Variants in GGH observed in about 807,000 individuals in gnomAD.
The protein encoded by GGH is gamma-glutamyl hydrolase.
GGH carries 18 observed loss-of-function variants against 39.2 expected under a neutral mutation model. The observed-to-expected ratio is 0.46, with a 90% confidence interval of 0.32 to 0.68. The LOEUF is 0.68. GGH is among the 30% of genes least tolerant of loss of function. The pLI, the probability that GGH is intolerant of heterozygous loss-of-function variation, is 0.04. For synonymous variants in GGH, 147 were observed against 138.8 expected, an observed-to-expected ratio of 1.06 and a Z score of -0.42; for missense variants, 367 against 384.1, an observed-to-expected ratio of 0.96 and a Z score of 0.37.
chr8:63,026,606 T>C (rs1178988538), intron 4 of GGH, among the ~76,000 whole-genome samples: 3 of 152,088 alleles, frequency 2.0e-5, no homozygotes, highest in African/African-American at 7.2e-5. Flanking sequence ...TTTAGGGAAA[T>C]GTGTAAGGGG....
intron 7 of GGH, 140 bp from the exon 8 acceptor site, chr8:63,017,770 C>A (rs1389870334): frequency 1.3e-5 from 7 of 544,640 alleles, no homozygotes; most frequent in Admixed American, 3.5e-5. Flanking sequence ...CTCTCAGACA[C>A]AAAATAATTT....
intron 3 of GGH, chr8:63,028,363 A>ACATTAAC (rs1804735987): frequency 6.6e-6 from 1 of 152,046 alleles, no homozygotes; most frequent in Non-Finnish European, 1.5e-5. Flanking sequence ...CAGCTTACAG[A>ACATTAAC]CATTAACTTA....
chr8:63,017,444 T>A, intron 8 of GGH, 49 bp downstream of exon 8: 1 of 1,393,236 alleles, frequency 7.2e-7, no homozygotes, highest in Admixed American at 2.0e-5. Context: ...TAAGGGCAAT[T>A]TTCTTCAAAA....
In GGH at chr8:63,020,554, G is replaced by A. The variant is rs540052200; in HGVS notation, c.698-2924C>T. Among the ~76,000 whole-genome samples the A allele has an allele frequency of 1.2e-3, 185 of 152,302 alleles. 1 individual carries two copies. Among genetic ancestry groups the A allele is most frequent in the African/African-American group, 4.4e-3 (181 of 41,562 alleles). ...AAGGTTGTGGAGAAGAGGAATAATG[G>A]TAGAAAAGGCCTCTAGGGATGACAA... On this transcript the variant is annotated intron_variant, in intron 7 of 8. Coordinates refer to ENST00000260118, the MANE Select transcript of GGH (RefSeq NM_003878.3).
In GGH at chr8:63,015,392, C is replaced by T; in HGVS notation, c.897G>A (p.Gln299=). Residue 299 remains glutamine (Q), a synonymous_variant, in exon 9 of 9, where the codon CAG becomes CAA. Transcript: ENST00000260118. ...ESEEEKALIY[Q]FSPIYTGNIS... is the part of the protein sequence containing the mutation. Reference sequence around the variant, plus strand: ...TATTTCCAGTATAAATTGGACTGAACTGATAAATCAATGCTTTCTCCTCTT... The same window carrying T: ...TATTTCCAGTATAAATTGGACTGAATTGATAAATCAATGCTTTCTCCTCTT... 1 of 1,425,800 alleles carries T rather than the reference C, an allele frequency of 7.0e-7. No homozygotes were observed. The highest frequency in any genetic ancestry group is 9.8e-7 in the Non-Finnish European group (1 of 1,019,934). 88.3% of individuals were successfully genotyped at this position (1,425,800 alleles called of 1,614,324 possible). A position where few individuals can be genotyped will look rare whatever the true frequency, so the allele number is the denominator to read the frequency against.
chr8:63,017,300 C>A, intron 8 of GGH, 193 bp downstream of exon 8: 1 of 475,186 alleles, frequency 2.1e-6, no homozygotes, highest in Non-Finnish European at 3.7e-6. Context: ...AAGTAACTGT[C>A]CTGGTTTTAT....
intron 2 of GGH, 44 bp from the exon 3 acceptor site, chr8:63,030,261 GT>G: frequency 2.1e-6 from 2 of 937,922 alleles, no homozygotes; most frequent in Non-Finnish European, 3.5e-6. Flanking sequence ...AAACTTAGAA[GT>G]AAACCTCTAA....
rs150420726 is a variant in GGH at position 63,017,284 on chromosome 8, T to C, written c.835+209A>G. 9.0e-4 allele frequency: 410 copies of C among 457,194 alleles called. 4 individuals carry two copies. In the East Asian group the frequency reaches 0.014, roughly 16 times the overall value. 28.3% of individuals were successfully genotyped at this position (457,194 alleles called of 1,614,324 possible). Reference sequence around the variant, plus strand: ...ATTCTGCCCACTGAAGCATGTATGATAATTGAAGTAACTGTCCTGGTTTTA... The same window carrying C: ...ATTCTGCCCACTGAAGCATGTATGACAATTGAAGTAACTGTCCTGGTTTTA... On this transcript the variant is annotated intron_variant, in intron 8 of 8. Transcript: ENST00000260118.
chr8:63,033,098 G>A (rs1804835506), intron 2 of GGH, among the ~76,000 whole-genome samples: 1 of 152,046 alleles, frequency 6.6e-6, no homozygotes, highest in South Asian at 2.1e-4. Context: ...TTATTTTTTA[G>A]AGTAATTTCA....
chr8:63,025,730 T>G (rs1804672053), intron 5 of GGH, among the ~76,000 whole-genome samples: 1 of 151,102 alleles, frequency 6.6e-6, no homozygotes, highest in Admixed American at 6.6e-5. Flanking sequence ...GACTCTGTCT[T>G]AAAAAGAAAA....
rs1804463565 is a variant in GGH at position 63,015,203 on chromosome 8, G to A, written c.*129C>T. 2 of 522,230 alleles carry A rather than the reference G, an allele frequency of 3.8e-6. No homozygotes were observed. Among genetic ancestry groups the A allele is most frequent in the Non-Finnish European group, 6.7e-6 (2 of 299,568 alleles). 32.3% of individuals were successfully genotyped at this position (522,230 alleles called of 1,614,324 possible). On this transcript the variant is annotated 3_prime_UTR_variant, in exon 9 of 9. Coordinates refer to ENST00000260118, the MANE Select transcript of GGH (RefSeq NM_003878.3). ...TTATATAAATAGTCACATACAGAAT[G>A]AAGAATCAGAGCCAGGCACATTATA...
At chr8:63,036,261 C>G (rs764822329) in intron 1 of GGH, among the ~76,000 whole-genome samples, 6 of 152,184 alleles carry the variant, frequency 3.9e-5, no homozygotes, top group Non-Finnish European at 8.8e-5. Flanking sequence ...CTTGTTATAT[C>G]TTTTCTTAAG....
Position 63,015,229 on chromosome 8 carries a change from G to A in GGH, c.*103C>T, listed in dbSNP as rs1804464019. The A allele has an allele frequency of 1.0e-5, 6 of 602,170 alleles. No individual in the cohort carries two copies. Among genetic ancestry groups the A allele is most frequent in the Non-Finnish European group, 1.4e-5 (5 of 348,624 alleles). 37.3% of individuals were successfully genotyped at this position (602,170 alleles called of 1,614,324 possible). A position where few individuals can be genotyped will look rare whatever the true frequency, so the allele number is the denominator to read the frequency against. ...AAGAATCAGAGCCAGGCACATTATA[G>A]AAAAGAATCTGTGACTTCCTAATCT... On this transcript the variant is annotated 3_prime_UTR_variant, in exon 9 of 9. Transcript: ENST00000260118.
chr8:63,038,588 C>CG, intron 1 of GGH, 72 bp downstream of exon 1: 19 of 754,162 alleles, frequency 2.5e-5, no homozygotes, highest in Admixed American at 7.3e-5. Flanking sequence ...AGCTGGAGCG[C>CG]GGCGGCGGGA....
intron 8 of GGH, 97 bp downstream of exon 8, chr8:63,017,396 A>T (rs760291680): frequency 1.9e-4 from 138 of 740,268 alleles, no homozygotes; most frequent in Middle Eastern, 1.5e-3. Context: ...AGAACTTACA[A>T]AACATTTATA....
intron 7 of GGH, among the ~76,000 whole-genome samples, chr8:63,022,672 G>A (rs1219641714): frequency 6.7e-6 from 1 of 149,696 alleles, no homozygotes; most frequent in Non-Finnish European, 1.5e-5. Flanking sequence ...ATGCCACCAT[G>A]CCCAGCTTTT....
chr8:63,026,873 C>A, intron 4 of GGH: 1 of 289,202 alleles, frequency 3.5e-6, no homozygotes, highest in South Asian at 5.7e-5. Flanking sequence ...AGAAACAATG[C>A]CCATAAAAAA....
intron 1 of GGH, among the ~76,000 whole-genome samples, chr8:63,037,145 C>A (rs1368287594): frequency 6.6e-6 from 1 of 152,178 alleles, no homozygotes; most frequent in Admixed American, 6.5e-5. Context: ...CAGCTTCTTA[C>A]AATTGGCATT....
intron 1 of GGH, among the ~76,000 whole-genome samples, chr8:63,036,211 C>G (rs1023281886): frequency 2.0e-5 from 3 of 152,120 alleles, no homozygotes; most frequent in Non-Finnish European, 4.4e-5. Flanking sequence ...CAATATCTAC[C>G]CTCTCCCCAC....
Sources: gnomAD v4.1 joint callset for allele counts (sites outside exome capture counted in the v4.1 genomes callset) on GRCh38, gnomAD v4.1.1 for gene constraint, MANE v1.5 for transcripts, NCBI Gene and HGNC (gene_info 2026-07-23, HGNC 2026-07-21) for gene names.